PI4K2B: variants seen among roughly 807,000 people sequenced by gnomAD.
PI4K2B encodes the protein phosphatidylinositol 4-kinase type 2-beta.
In PI4K2B, 46 loss-of-function variants were observed where a neutral mutation model predicts 56.6. The ratio of observed to expected loss-of-function variants is 0.81; its 90% confidence interval spans 0.64 to 1.04. The LOEUF (loss-of-function observed/expected upper bound fraction) is 1.04, where lower values mean the gene tolerates loss of function less well. Among genes scored for constraint, PI4K2B ranks in the 50% least tolerant of loss-of-function variants. The probability of loss-of-function intolerance (pLI) is 0.00; values close to 1 mark genes in which losing one functional copy is unlikely to be tolerated. For synonymous variants in PI4K2B, 211 were observed against 223.8 expected (o/e 0.94, Z 0.51); for missense variants, 556 against 607.7 (o/e 0.91, Z 0.89).
At chr4:25,244,288 G>A (rs2090552874) in intron 1 of PI4K2B, among the ~76,000 whole-genome samples, 1 of 152,144 alleles carries the variant, frequency 6.6e-6, no homozygotes. Flanking sequence ...GGGCAGGGGA[G>A]ATTAGAGGAG....
chr4:25,249,310 T>G (rs1715931082), intron 1 of PI4K2B, among the ~76,000 whole-genome samples: 1 of 152,170 alleles, frequency 6.6e-6, no homozygotes, highest in Admixed American at 6.5e-5. Flanking sequence ...TGGCCTGTTC[T>G]CAGTGAGCTG....
intron 4 of PI4K2B, among the ~76,000 whole-genome samples, chr4:25,257,142 C>T (rs1233941733): frequency 1.3e-5 from 2 of 151,618 alleles, no homozygotes; most frequent in African/African-American, 2.4e-5. Context: ...ACTGCAGCCT[C>T]GACCTCGTGG....
At position 25,277,104 on chromosome 4, in the gene PI4K2B, G is replaced by GT. The variant is rs1560383021; in HGVS notation, c.1363_1364insT (p.Gly455ValfsTer45). The GT allele has an allele frequency of 6.2e-7, 1 of 1,613,934 alleles. No homozygotes were observed. The highest frequency in any genetic ancestry group is 8.5e-7 in the Non-Finnish European group (1 of 1,179,888). ...TGTGATTGTGGAACGCAGTCAAGGT[G>GT]GAAGTCAGGGTCGGATTGTCCACCT... On this transcript the variant is annotated frameshift_variant, in exon 10 of 10. Transcript: ENST00000264864. LOFTEE classifies it high-confidence loss of function.
chr4:25,250,445 GA>G (rs1295612076), intron 1 of PI4K2B: 1 of 152,274 alleles, frequency 6.6e-6, no homozygotes, highest in Non-Finnish European at 1.5e-5. Context: ...GGGCCTTTCA[GA>G]AGGTGGAGGG....
chr4:25,270,924 A>G lies in PI4K2B; in HGVS notation c.1272+1721A>G, dbSNP rs144553901. Among the ~76,000 whole-genome samples the G allele has an allele frequency of 7.4e-4, 112 of 152,362 alleles. 2 individuals carry two copies. In the Middle Eastern group the frequency reaches 0.01, roughly 14 times the overall value. The stretch of plus-strand genomic sequence containing the variant: ...ACCTGTAGCAAAGAAGTACAAGTCC[A>G]TATAATTACACAGAGAATCATTCAT... On this transcript the variant is annotated intron_variant, in intron 9 of 9. Coordinates refer to ENST00000264864, the MANE Select transcript of PI4K2B (RefSeq NM_018323.4).
rs116845151 is a variant in PI4K2B, at chr4:25,243,120, C to T, written c.268+8689C>T. On this transcript the variant is annotated intron_variant, in intron 1 of 9. Coordinates refer to ENST00000264864, the MANE Select transcript of PI4K2B (RefSeq NM_018323.4). ...AGATTAACACTGAGAAGGCCGCGCC[C>T]GTGTCCAGGATGAAGTCAATTTCCT... 0.014 allele frequency among the ~76,000 whole-genome samples: 2,182 copies of T among 152,264 alleles called. 127 individuals are homozygous for T. In the East Asian group the frequency reaches 0.18, roughly 13 times the overall value.
At chr4:25,238,713 A>G (rs531958979) in intron 1 of PI4K2B, among the ~76,000 whole-genome samples, 1 of 152,282 alleles carries the variant, frequency 6.6e-6, no homozygotes, top group South Asian at 2.1e-4. Context: ...TCAGGAGTGA[A>G]GCTGCAGACC....
chr4:25,242,589 A>T (rs1475125851), intron 1 of PI4K2B, among the ~76,000 whole-genome samples: 2 of 152,238 alleles, frequency 1.3e-5, no homozygotes, highest in Non-Finnish European at 2.9e-5. Context: ...TGAGTCTAAG[A>T]TCTTGCACTA....
At chr4:25,249,009 TGACTCTTAAC>T (rs1715916494) in intron 1 of PI4K2B, among the ~76,000 whole-genome samples, 1 of 152,150 alleles carries the variant, frequency 6.6e-6, no homozygotes. Flanking sequence ...GGAGTGGTGA[TGACTCTTAAC>T]GAGTATGCTG....
Position 25,260,621 on chromosome 4 carries a change from TATATATATATATATATATATAC to T in PI4K2B, c.978+32_978+53del, listed in dbSNP as rs778783541. 2.4e-5 allele frequency: 6 copies of T among 251,116 alleles called. 1 individual carries two copies. The highest frequency in any genetic ancestry group is 2.8e-5 in the Non-Finnish European group (4 of 144,934). 15.6% of individuals were successfully genotyped at this position (251,116 alleles called of 1,614,324 possible). A position where few individuals can be genotyped will look rare whatever the true frequency, so the allele number is the denominator to read the frequency against. On this transcript the variant is annotated intron_variant, in intron 6 of 9. Transcript: ENST00000264864. ...GGAAATTTACAATTTTATATATATA[TATATATATATATATATATATAC>T]ACACACACACACACACACACATACA...
intron 1 of PI4K2B, among the ~76,000 whole-genome samples, chr4:25,235,999 AAAC>A (rs149636388): frequency 0.4 from 60,999 of 151,362 alleles, 15,208 homozygotes; most frequent in Non-Finnish European, 0.55. Flanking sequence ...TATAAAAAAT[AAAC>A]AACAACAACA....
At chr4:25,261,722 G>A (rs551521751) in intron 6 of PI4K2B, among the ~76,000 whole-genome samples, 2 of 94,012 alleles carry the variant, frequency 2.1e-5, no homozygotes, top group East Asian at 6.1e-4. Context: ...CACATAAAGG[G>A]AACATATTGT....
intron 1 of PI4K2B, among the ~76,000 whole-genome samples, chr4:25,251,975 C>G (rs1196148361): frequency 1.3e-5 from 2 of 152,102 alleles, no homozygotes; most frequent in Non-Finnish European, 2.9e-5. Flanking sequence ...AGGTGCCCAC[C>G]ACCACATCTG....
intron 8 of PI4K2B, 48 bp downstream of exon 8, chr4:25,268,624 T>C: frequency 7.7e-7 from 1 of 1,303,412 alleles, no homozygotes; most frequent in African/African-American, 1.5e-5. Context: ...AATCTTAAAA[T>C]AGAAGAGACT....
chr4:25,245,609 C>T (rs910642937), intron 1 of PI4K2B, among the ~76,000 whole-genome samples: 1 of 152,162 alleles, frequency 6.6e-6, no homozygotes, highest in African/African-American at 2.4e-5. Flanking sequence ...AAGCCTGAGA[C>T]CCGTGTCTTT....
At chr4:25,253,927 A>C (rs1047615499) in intron 2 of PI4K2B, among the ~76,000 whole-genome samples, 3 of 152,072 alleles carry the variant, frequency 2.0e-5, no homozygotes, top group Non-Finnish European at 2.9e-5. Flanking sequence ...GCTCGCCACC[A>C]CGCCGAGCTA....
At chr4:25,247,552 T>G (rs933069465) in intron 1 of PI4K2B, among the ~76,000 whole-genome samples, 1 of 152,104 alleles carries the variant, frequency 6.6e-6, no homozygotes, top group Non-Finnish European at 1.5e-5. Flanking sequence ...TGTGCTTGGA[T>G]GGGGAAAGTT....
rs902326418 is a variant in PI4K2B at position 25,234,078 on chromosome 4, G to C, written c.-86G>C. ...GAGGTGGCGTCCGTTCTACCCGGTC[G>C]CTCCCGTTCCGCGCCATGCAGAGCC... On this transcript the variant is annotated 5_prime_UTR_variant, in exon 1 of 10. Coordinates refer to ENST00000264864, the MANE Select transcript of PI4K2B (RefSeq NM_018323.4). 10 of 1,129,630 alleles carry C rather than the reference G, an allele frequency of 8.9e-6. No individual in the cohort carries two copies. In the African/African-American group the frequency reaches 1.4e-4, roughly 16 times the overall value. 70.0% of individuals were successfully genotyped at this position (1,129,630 alleles called of 1,614,324 possible). A position where few individuals can be genotyped will look rare whatever the true frequency, so the allele number is the denominator to read the frequency against.
chr4:25,245,942 C>T lies in PI4K2B; in HGVS notation c.269-6379C>T, dbSNP rs560873681. ...TGTCCGGAATTGGTGGGTTCTTGGT[C>T]TCACTGACTTCAAGAATGAAGCCAC... On this transcript the variant is annotated intron_variant, in intron 1 of 9. Coordinates refer to ENST00000264864, the MANE Select transcript of PI4K2B (RefSeq NM_018323.4). Among the ~76,000 whole-genome samples the T allele has an allele frequency of 7.2e-5, 11 of 152,248 alleles. No homozygotes were observed. The East Asian group carries it at 2.1e-3, about 29-fold the overall frequency.
Sources: gnomAD v4.1 joint callset for allele counts (sites outside exome capture counted in the v4.1 genomes callset) on GRCh38, gnomAD v4.1.1 for gene constraint, MANE v1.5 for transcripts, NCBI Gene and HGNC (gene_info 2026-07-23, HGNC 2026-07-21) for gene names.